NEGR1: variants seen among roughly 807,000 people sequenced by gnomAD.
The protein encoded by NEGR1 is neuronal growth regulator 1.
Under a neutral mutation model 40.9 loss-of-function variants are expected in NEGR1, and 10 were observed. The ratio of observed to expected loss-of-function variants is 0.24; its 90% CI spans 0.15 to 0.42. The LOEUF is 0.42. Among genes scored for constraint, NEGR1 ranks in the 10% least tolerant of loss-of-function variants. NEGR1 has a pLI of 1.00. For missense variants in NEGR1, 352 were observed against 438.9 expected (o/e 0.80, Z 1.77); for synonymous variants, 185 against 166.8 (o/e 1.11, Z -0.84).
chr1:72,138,159 G>T (rs900950557), intron 1 of NEGR1, among the ~76,000 whole-genome samples: 2 of 151,448 alleles, frequency 1.3e-5, no homozygotes, highest in African/African-American at 4.8e-5. Context: ...TGGAGTATAT[G>T]TAAGATTTTT....
chr1:71,832,842 T>C (rs930183663), intron 2 of NEGR1, among the ~76,000 whole-genome samples: 5 of 152,076 alleles, frequency 3.3e-5, no homozygotes, highest in African/African-American at 1.2e-4. Context: ...AAGCCTGTTT[T>C]ATACAGAATT....
intron 2 of NEGR1, among the ~76,000 whole-genome samples, chr1:71,836,196 C>T (rs528387321): frequency 1.6e-4 from 25 of 151,908 alleles, no homozygotes; most frequent in African/African-American, 6.0e-4. Context: ...ATGTTAGGCA[C>T]ATGAGAGGCA....
intron 6 of NEGR1, among the ~76,000 whole-genome samples, chr1:71,431,566 C>CCATTCATTCATT (rs66558619): frequency 0.043 from 5,095 of 119,128 alleles, 243 homozygotes; most frequent in African/African-American, 0.11. Flanking sequence ...ATCTGTTTAT[C>CCATTCATTCATT]CATTCATTCA....
chr1:72,273,844 A>AC (rs935361321), intron 1 of NEGR1, among the ~76,000 whole-genome samples: 11 of 151,568 alleles, frequency 7.3e-5, no homozygotes, highest in African/African-American at 2.4e-4. Flanking sequence ...AAAAAAAAAA[A>AC]CACTTAAATA....
chr1:72,161,167 A>T (rs1651542722), intron 1 of NEGR1, among the ~76,000 whole-genome samples: 1 of 152,132 alleles, frequency 6.6e-6, no homozygotes, highest in Non-Finnish European at 1.5e-5. Flanking sequence ...ATTTGTAAAG[A>T]AACTGGTTTT....
At position 72,270,711 on chromosome 1, in the gene NEGR1, G is replaced by A. The variant is rs75473404; in HGVS notation, c.176+11608C>T. ...CTGTTTCTTTCCATTTCTCACTTATGTCCTCAATGTTTCATGTGACCACCC... is the reference window on the plus strand; with the variant it reads ...CTGTTTCTTTCCATTTCTCACTTATATCCTCAATGTTTCATGTGACCACCC... On this transcript the variant is annotated intron_variant, in intron 1 of 6. Transcript: ENST00000357731. Among the ~76,000 whole-genome samples the A allele has an allele frequency of 4.7e-3, 710 of 151,516 alleles. 8 individuals carry two copies. Among genetic ancestry groups the A allele is most frequent in the African/African-American group, 0.016 (681 of 41,328 alleles).
intron 5 of NEGR1, among the ~76,000 whole-genome samples, chr1:71,599,169 AT>A (rs1403447117): frequency 6.6e-6 from 1 of 152,244 alleles, no homozygotes. Flanking sequence ...TGTAATATTT[AT>A]GTACATATAT....
chr1:71,800,091 A>C (rs1446914208), intron 2 of NEGR1, among the ~76,000 whole-genome samples: 2 of 152,146 alleles, frequency 1.3e-5, no homozygotes, highest in Non-Finnish European at 2.9e-5. Flanking sequence ...CATTTCTCTA[A>C]CGACCAGTGA....
chr1:72,281,451 G>A (rs1184682257), intron 1 of NEGR1, among the ~76,000 whole-genome samples: 1 of 152,116 alleles, frequency 6.6e-6, no homozygotes, highest in East Asian at 1.9e-4. Flanking sequence ...TAAGATTTAT[G>A]AGGGTGAGTA....
intron 1 of NEGR1, among the ~76,000 whole-genome samples, chr1:72,107,934 C>G (rs1441721649): frequency 6.6e-6 from 1 of 151,352 alleles, no homozygotes; most frequent in Non-Finnish European, 1.5e-5. Flanking sequence ...TTTGGCTAAG[C>G]CTTTATTCTA....
intron 2 of NEGR1, among the ~76,000 whole-genome samples, chr1:71,808,535 A>G (rs1303421265): frequency 1.3e-5 from 2 of 152,166 alleles, no homozygotes; most frequent in Non-Finnish European, 2.9e-5. Context: ...CAGGCCTACA[A>G]GTATATTCCA....
intron 4 of NEGR1, among the ~76,000 whole-genome samples, chr1:71,678,739 G>A (rs1652728787): frequency 6.6e-6 from 1 of 152,116 alleles, no homozygotes; most frequent in African/African-American, 2.4e-5. Flanking sequence ...AGCAGAGTTG[G>A]AATTAGCCCA....
chr1:72,015,228 GA>G (rs543432075), intron 1 of NEGR1, among the ~76,000 whole-genome samples: 25 of 152,040 alleles, frequency 1.6e-4, no homozygotes, highest in Non-Finnish European at 3.5e-4. Flanking sequence ...CATACTGAAT[GA>G]AAGGCCTTAT....
At chr1:71,938,652 G>A (rs1056700916) in intron 1 of NEGR1, among the ~76,000 whole-genome samples, 1 of 151,848 alleles carries the variant, frequency 6.6e-6, no homozygotes, top group Non-Finnish European at 1.5e-5. Flanking sequence ...ATTTATTTTT[G>A]TACTCTTTGG....
intron 1 of NEGR1, among the ~76,000 whole-genome samples, chr1:72,238,406 G>A (rs539402434): frequency 1.4e-4 from 21 of 151,876 alleles, no homozygotes; most frequent in Admixed American, 5.3e-4. Flanking sequence ...CATGTATATC[G>A]AATTGATTCA....
At chr1:72,085,105 T>C (rs1648161861) in intron 1 of NEGR1, among the ~76,000 whole-genome samples, 1 of 152,136 alleles carries the variant, frequency 6.6e-6, no homozygotes, top group African/African-American at 2.4e-5. Flanking sequence ...GGTTAAAAAA[T>C]CCAAGTGATT....
chr1:71,480,774 A>G (rs114338045), intron 6 of NEGR1, among the ~76,000 whole-genome samples: 1,724 of 152,028 alleles, frequency 0.011, 32 homozygotes, highest in African/African-American at 0.04. Context: ...TCTTGGCCAC[A>G]CTAAGAATTA....
intron 2 of NEGR1, among the ~76,000 whole-genome samples, chr1:71,901,642 C>A (rs967542548): frequency 1.3e-5 from 2 of 150,568 alleles, no homozygotes; most frequent in African/African-American, 2.4e-5. Flanking sequence ...TTCTAAACAC[C>A]ATTTTTCTAA....
At chr1:72,032,322 C>A (rs1262225696) in intron 1 of NEGR1, among the ~76,000 whole-genome samples, 6 of 152,050 alleles carry the variant, frequency 3.9e-5, no homozygotes, top group Non-Finnish European at 1.5e-5. Flanking sequence ...GGGCAGGAAC[C>A]AAGAAGAACG....
Sources: allele counts gnomAD v4.1 joint callset (sites outside exome capture counted in the v4.1 genomes callset), GRCh38; gene constraint gnomAD v4.1.1; transcripts MANE v1.5; gene names NCBI Gene and HGNC (gene_info 2026-07-23, HGNC 2026-07-21).